ASPH: variants seen among roughly 807,000 people sequenced by gnomAD.
The protein encoded by ASPH is aspartate beta-hydroxylase.
In ASPH, 100 loss-of-function variants were observed where a neutral mutation model predicts 118.4. The observed-to-expected ratio is 0.84, with a 90% CI of 0.72 to 1.00. The LOEUF (loss-of-function observed/expected upper bound fraction) is 1.00. ASPH is among the 50% of genes least tolerant of loss of function. ASPH has a pLI of 0.00. For missense variants in ASPH, 920 were observed against 919.5 expected (o/e 1.00, Z -0.01); for synonymous variants, 315 against 325.6 (o/e 0.97, Z 0.35).
chr8:61,713,216 T>C (rs1838491882), intron 1 of ASPH, among the ~76,000 whole-genome samples: 1 of 152,230 alleles, frequency 6.6e-6, no homozygotes, highest in African/African-American at 2.4e-5. Context: ...TTAAATCCAT[T>C]CATTCATTCA....
At chr8:61,649,923 G>A (rs887256729) in intron 5 of ASPH, among the ~76,000 whole-genome samples, 27 of 151,896 alleles carry the variant, frequency 1.8e-4, no homozygotes, top group Non-Finnish European at 3.8e-4. Context: ...CATATTCCAC[G>A]TGCCAGCCAT....
rs186470707 is a variant in ASPH at position 61,703,036 on chromosome 8, A to G, written c.103+11233T>C. Reference sequence around the variant, plus strand: ...GACGCAAAATTGCTGACAAAATATTAGCAAATAAAGCAATATATAAAAAGG... The same window carrying G: ...GACGCAAAATTGCTGACAAAATATTGGCAAATAAAGCAATATATAAAAAGG... On this transcript the variant is annotated intron_variant, in intron 1 of 24. Coordinates refer to ENST00000379454, the MANE Select transcript of ASPH (RefSeq NM_004318.4). 1.6e-3 allele frequency among the ~76,000 whole-genome samples: 243 copies of G among 152,358 alleles called. 1 individual carries two copies. The highest frequency in any genetic ancestry group is 5.2e-3 in the African/African-American group (218 of 41,578).
chr8:61,623,400 T>C (rs1851643514), intron 13 of ASPH, among the ~76,000 whole-genome samples: 1 of 152,236 alleles, frequency 6.6e-6, no homozygotes, highest in Non-Finnish European at 1.5e-5. Context: ...TTATTAGATT[T>C]TTCCCTATGA....
chr8:61,579,191 C>T (rs867900760), intron 15 of ASPH: 9 of 1,612,820 alleles, frequency 5.6e-6, no homozygotes, highest in Non-Finnish European at 7.6e-6. Context: ...TTGAGGGCCT[C>T]AAAGGCCAGA....
At chr8:61,679,405 A>T (rs1826834757) in intron 3 of ASPH, among the ~76,000 whole-genome samples, 1 of 152,092 alleles carries the variant, frequency 6.6e-6, no homozygotes, top group African/African-American at 2.4e-5. Context: ...AGGTTAAAAA[A>T]CTTAAAGGGG....
In ASPH at chr8:61,664,847, G is replaced by A. The variant is rs965612253; in HGVS notation, c.323-11187C>T. On this transcript the variant is annotated intron_variant, in intron 3 of 24. Transcript: ENST00000379454. Reference sequence around the variant, plus strand: ...AAGGGGAAGGAGGGAAGAAAACAACGAGCAAATCCATCTCCCTGAGTATTT... The same window carrying A: ...AAGGGGAAGGAGGGAAGAAAACAACAAGCAAATCCATCTCCCTGAGTATTT... 13 of 989,932 alleles carry A rather than the reference G, an allele frequency of 1.3e-5. No homozygotes were observed. The Admixed American group carries it at 2.5e-4, about 19-fold the overall frequency. 61.3% of individuals were successfully genotyped at this position (989,932 alleles called of 1,614,324 possible).
At chr8:61,561,606 T>A (rs1053879974) in intron 18 of ASPH, among the ~76,000 whole-genome samples, 2 of 152,196 alleles carry the variant, frequency 1.3e-5, no homozygotes, top group African/African-American at 2.4e-5. Context: ...ATGAAACTGC[T>A]GTTCTTGATG....
At position 61,517,919 on chromosome 8, in the gene ASPH, T is replaced by G. The variant is rs1586390948; in HGVS notation, c.1992+113A>C. 5 of 1,201,752 alleles carry G rather than the reference T, an allele frequency of 4.2e-6. No individual in the cohort carries two copies. In the East Asian group the frequency reaches 1.2e-4, roughly 28 times the overall value. 74.4% of individuals were successfully genotyped at this position (1,201,752 alleles called of 1,614,324 possible). A position where few individuals can be genotyped will look rare whatever the true frequency, so the allele number is the denominator to read the frequency against. ...AAATTATGTTTCAGTAAAAAGGGCA[T>G]GTAAAAAGAGGCATTCATTGGGCCA... is the stretch of plus-strand genomic sequence containing the variant. On this transcript the variant is annotated intron_variant, in intron 23 of 24. Coordinates refer to ENST00000379454, the MANE Select transcript of ASPH (RefSeq NM_004318.4).
intron 16 of ASPH, among the ~76,000 whole-genome samples, chr8:61,574,253 G>A (rs1834381576): frequency 6.6e-6 from 1 of 152,192 alleles, no homozygotes; most frequent in African/African-American, 2.4e-5. Context: ...GTTGGTGGGA[G>A]CATAAATTAG....
intron 14 of ASPH, among the ~76,000 whole-genome samples, chr8:61,617,271 C>A (rs753289467): frequency 6.6e-6 from 1 of 152,152 alleles, no homozygotes; most frequent in Non-Finnish European, 1.5e-5. Context: ...AGATGAGAAA[C>A]ATCCATCCAA....
At chr8:61,527,458 G>T (rs1161873558) in intron 21 of ASPH, among the ~76,000 whole-genome samples, 1 of 152,152 alleles carries the variant, frequency 6.6e-6, no homozygotes, top group Non-Finnish European at 1.5e-5. Context: ...CCAAACAAGG[G>T]AATACTTTTT....
chr8:61,700,529 G>A (rs1834988804), intron 1 of ASPH, among the ~76,000 whole-genome samples: 1 of 151,884 alleles, frequency 6.6e-6, no homozygotes, highest in South Asian at 2.1e-4. Flanking sequence ...GAAAAATGAA[G>A]CTATTTCCTG....
rs150542577 is a variant in ASPH at position 61,589,753 on chromosome 8, G to A, written c.977-5724C>T. ...CACTCAAGAATTTGTTAAAGTGCCC[G>A]TTTTCCAAAAATTGTGTGAGGTTCT... On this transcript the variant is annotated intron_variant, in intron 14 of 24. Transcript: ENST00000379454. Among the ~76,000 whole-genome samples the A allele has an allele frequency of 4.2e-3, 646 of 152,232 alleles. 4 individuals are homozygous for A. The highest frequency in any genetic ancestry group is 7.3e-3 in the Non-Finnish European group (496 of 68,004).
chr8:61,525,356 G>T (rs796547747), intron 22 of ASPH, among the ~76,000 whole-genome samples: 1 of 143,826 alleles, frequency 7.0e-6, no homozygotes, highest in Non-Finnish European at 1.5e-5. Context: ...ACACACACAC[G>T]CACACACACA....
At chr8:61,603,842 C>G (rs910165474) in intron 14 of ASPH, among the ~76,000 whole-genome samples, 2 of 152,072 alleles carry the variant, frequency 1.3e-5, no homozygotes, top group Non-Finnish European at 2.9e-5. Context: ...AGGATTACCA[C>G]TAATTGGAAA....
At chr8:61,654,310 T>G (rs889859584) in intron 3 of ASPH, among the ~76,000 whole-genome samples, 1 of 152,234 alleles carries the variant, frequency 6.6e-6, no homozygotes, top group African/African-American at 2.4e-5. Context: ...TCTATTATAT[T>G]AACTTAGTTA....
At chr8:61,670,452 A>C (rs1363802218) in intron 3 of ASPH, among the ~76,000 whole-genome samples, 1 of 152,074 alleles carries the variant, frequency 6.6e-6, no homozygotes, top group Non-Finnish European at 1.5e-5. Context: ...GAAGGCAGTC[A>C]TGCCACAGTG....
At chr8:61,541,239 C>T (rs570899739) in intron 21 of ASPH, among the ~76,000 whole-genome samples, 1 of 152,250 alleles carries the variant, frequency 6.6e-6, no homozygotes, top group East Asian at 1.9e-4. Flanking sequence ...TGGTGGGCAC[C>T]TGTAGTCCCA....
chr8:61,696,362 G>GTTTA (rs1554587404), intron 1 of ASPH, among the ~76,000 whole-genome samples: 8 of 152,148 alleles, frequency 5.3e-5, no homozygotes, highest in Non-Finnish European at 1.2e-4. Flanking sequence ...CAGCCTCCAG[G>GTTTA]TATTTTTGGA....
Sources: gnomAD v4.1 joint callset for allele counts (sites outside exome capture counted in the v4.1 genomes callset) on GRCh38, gnomAD v4.1.1 for gene constraint, MANE v1.5 for transcripts, NCBI Gene and HGNC (gene_info 2026-07-23, HGNC 2026-07-21) for gene names.